CFAP77: variants seen among roughly 807,000 people sequenced by gnomAD.
The protein encoded by CFAP77 is cilia and flagella associated protein 77, also known as cilia- and flagella-associated protein 77.
In CFAP77, 25 loss-of-function variants were observed where a neutral mutation model predicts 31.1. That is an observed-to-expected ratio of 0.80 (90% CI 0.59 to 1.12). The LOEUF (loss-of-function observed/expected upper bound fraction) is 1.12, where lower values mean the gene tolerates loss of function less well. Ranked by LOEUF, CFAP77 falls within the 50% of genes most tolerant of loss-of-function variation. The pLI, the probability that CFAP77 is intolerant of heterozygous loss-of-function variation, is 0.00. For missense variants in CFAP77, 377 were observed against 397.3 expected, an observed-to-expected ratio of 0.95 and a Z score of 0.44; for synonymous variants, 151 against 159.9, an observed-to-expected ratio of 0.94 and a Z score of 0.42.
chr9:132,461,977 GA>G (rs1287820461), intron 1 of CFAP77, among the ~76,000 whole-genome samples: 1 of 152,224 alleles, frequency 6.6e-6, no homozygotes, highest in Non-Finnish European at 1.5e-5. Context: ...GAAATCCAGA[GA>G]GGACTCTGTG....
At chr9:132,440,749 C>T (rs1252959244) in intron 1 of CFAP77, among the ~76,000 whole-genome samples, 2 of 152,190 alleles carry the variant, frequency 1.3e-5, no homozygotes, top group African/African-American at 4.8e-5. Context: ...TTTCTGTCGT[C>T]ATTTGAGAGT....
chr9:132,514,663 G>A (rs933783813), intron 3 of CFAP77, among the ~76,000 whole-genome samples: 2 of 152,180 alleles, frequency 1.3e-5, no homozygotes, highest in African/African-American at 4.8e-5. Flanking sequence ...GTGTTAACAC[G>A]TTGCAAATGA....
At chr9:132,503,634 G>C (rs1197865732) in intron 3 of CFAP77, among the ~76,000 whole-genome samples, 1 of 152,158 alleles carries the variant, frequency 6.6e-6, no homozygotes, top group African/African-American at 2.4e-5. Context: ...AAAACCTTGT[G>C]CCAGAGGTGG....
Position 132,481,316 on chromosome 9 carries a change from TCA to T in CFAP77, c.196-17376_196-17375del, listed in dbSNP as rs1450884786. ...CCCTCACTGTCACCTCTGGACAGTC[TCA>T]CAGACATCCCTCCTTGGGGACTTCC... On this transcript the variant is annotated intron_variant, in intron 1 of 5. Transcript: ENST00000393216. The surrounding 1 kb of genome is among the most constrained non-coding windows in gnomAD (Gnocchi z 5.0). Among the ~76,000 whole-genome samples the T allele has an allele frequency of 1.3e-5, 2 of 152,144 alleles. No homozygotes were observed. Among genetic ancestry groups the T allele is most frequent in the Non-Finnish European group, 2.9e-5 (2 of 68,010 alleles).
chr9:132,531,394 A>G (rs1352883222), intron 3 of CFAP77, among the ~76,000 whole-genome samples: 1 of 152,210 alleles, frequency 6.6e-6, no homozygotes, highest in African/African-American at 2.4e-5. Context: ...GCGCCGGACC[A>G]GGGCTGTCCT....
intron 5 of CFAP77, among the ~76,000 whole-genome samples, chr9:132,562,752 T>G (rs918948715): frequency 6.6e-6 from 1 of 151,904 alleles, no homozygotes; most frequent in Non-Finnish European, 1.5e-5. Context: ...CAGGCTGGAG[T>G]GCAGTGGCAC....
chr9:132,554,107 G>A lies in CFAP77; in HGVS notation c.732+11060G>A, dbSNP rs1285886299. Among the ~76,000 whole-genome samples the A allele has an allele frequency of 2.0e-5, 3 of 152,180 alleles. No homozygotes were observed. The highest frequency in any genetic ancestry group is 2.1e-4 in the South Asian group (1 of 4,832). ...ACTGAGGCCCCTGGTCACACAGCTGGAAAGCGATAGGACCAGGATTGGAAC... is the reference window on the plus strand; with the variant it reads ...ACTGAGGCCCCTGGTCACACAGCTGAAAAGCGATAGGACCAGGATTGGAAC... On this transcript the variant is annotated intron_variant, in intron 5 of 5. Coordinates refer to ENST00000393216, the MANE Select transcript of CFAP77 (RefSeq NM_001282957.2). This position sits in a 1 kb window ranked among gnomAD's most constrained non-coding sequence, Gnocchi z 4.1.
At chr9:132,509,273 A>G (rs1851989946) in intron 3 of CFAP77, among the ~76,000 whole-genome samples, 1 of 152,208 alleles carries the variant, frequency 6.6e-6, no homozygotes, top group Admixed American at 6.5e-5. Context: ...CTGTCCAGGC[A>G]GCTTACACCA....
intron 1 of CFAP77, among the ~76,000 whole-genome samples, chr9:132,463,800 C>T (rs753980193): frequency 4.6e-5 from 7 of 152,146 alleles, no homozygotes; most frequent in East Asian, 3.9e-4. Context: ...AGGACAGCAG[C>T]GGAGGTCCCT....
chr9:132,540,646 T>A (rs1228643941), intron 4 of CFAP77, among the ~76,000 whole-genome samples: 2 of 152,222 alleles, frequency 1.3e-5, no homozygotes, highest in Non-Finnish European at 2.9e-5. Context: ...AACGCATATA[T>A]TTTTATGCTG....
At chr9:132,548,214 A>G (rs1455046605) in intron 5 of CFAP77, among the ~76,000 whole-genome samples, 1 of 137,244 alleles carries the variant, frequency 7.3e-6, no homozygotes, top group Non-Finnish European at 1.5e-5. Context: ...GCGTCTGCAC[A>G]ATGCCTACAG....
chr9:132,550,038 G>A (rs1453723565), intron 5 of CFAP77, among the ~76,000 whole-genome samples: 2 of 152,284 alleles, frequency 1.3e-5, no homozygotes, highest in East Asian at 1.9e-4. Context: ...AGTGATGGGG[G>A]AATAGCGGCC....
At position 132,513,272 on chromosome 9, in the gene CFAP77, CAAAT is replaced by C. The variant is rs112711898; in HGVS notation, c.524+13674_524+13677del. Reference sequence around the variant, plus strand: ...TGTGTTTATTAGAAAACTTTCCAAACAAATAGAAAAGTTCAGAAGCAACATAACT... The same window carrying C: ...TGTGTTTATTAGAAAACTTTCCAAACAGAAAAGTTCAGAAGCAACATAACT... On this transcript the variant is annotated intron_variant, in intron 3 of 5. Coordinates refer to ENST00000393216, the MANE Select transcript of CFAP77 (RefSeq NM_001282957.2). 38 of 1,548,296 alleles carry C rather than the reference CAAAT, an allele frequency of 2.5e-5. 1 individual carries two copies. Among genetic ancestry groups the C allele is most frequent in the African/African-American group, 1.6e-4 (12 of 73,054 alleles).
chr9:132,550,793 G>A (rs1488920340), intron 5 of CFAP77, among the ~76,000 whole-genome samples: 2 of 152,102 alleles, frequency 1.3e-5, no homozygotes, highest in African/African-American at 2.4e-5. Flanking sequence ...GAGGTTGGTG[G>A]GGTGGAGACC....
intron 1 of CFAP77, among the ~76,000 whole-genome samples, chr9:132,417,915 G>A (rs1457488499): frequency 6.6e-6 from 1 of 152,000 alleles, no homozygotes; most frequent in Admixed American, 6.5e-5. Flanking sequence ...GAAAAATACT[G>A]TCACCCACCT....
chr9:132,503,818 G>A (rs1272874998), intron 3 of CFAP77, among the ~76,000 whole-genome samples: 5 of 152,190 alleles, frequency 3.3e-5, no homozygotes, highest in African/African-American at 9.7e-5. Context: ...GGAGGCTGAG[G>A]TGAGTGGATC....
At chr9:132,561,604 T>TACACACACACACAC (rs61039438) in intron 5 of CFAP77, among the ~76,000 whole-genome samples, 6 of 111,582 alleles carry the variant, frequency 5.4e-5, no homozygotes, top group Non-Finnish European at 5.5e-5. Flanking sequence ...GAGGTGCATG[T>TACACACACACACAC]ACACACACAC....
intron 3 of CFAP77, among the ~76,000 whole-genome samples, chr9:132,521,467 C>T (rs773104024): frequency 1.3e-5 from 2 of 152,200 alleles, no homozygotes; most frequent in Non-Finnish European, 2.9e-5. Context: ...CCAGCACCAT[C>T]CCTGCTCCGT....
intron 1 of CFAP77, among the ~76,000 whole-genome samples, chr9:132,457,309 T>TGGGGGGGGGGGGGGGGGGG (rs5900982): frequency 3.9e-5 from 2 of 51,944 alleles, no homozygotes; most frequent in Non-Finnish European, 3.7e-5. Context: ...GGGACGGGGG[T>TGGGGGGGGGGGGGGGGGGG]GGGGGGGCGG....
Sources: gnomAD v4.1 joint callset for allele counts (sites outside exome capture counted in the v4.1 genomes callset) on GRCh38, gnomAD v4.1.1 for gene constraint, Gnocchi (gnomAD v3.1) non-coding constraint, MANE v1.5 for transcripts, NCBI Gene and HGNC (gene_info 2026-07-23, HGNC 2026-07-21) for gene names.